GPHN: variants seen among roughly 807,000 people sequenced by gnomAD.
GPHN encodes the protein gephyrin.
Under a neutral mutation model 95.5 loss-of-function variants are expected in GPHN, and 17 were observed. That is an observed-to-expected ratio of 0.18 (90% CI 0.12 to 0.27). The LOEUF (loss-of-function observed/expected upper bound fraction) is 0.27, where lower values mean the gene tolerates loss of function less well. Ranked by LOEUF, GPHN falls within the 10% of genes least tolerant of loss-of-function variation. The pLI is 1.00. For missense variants in GPHN, 660 were observed against 978.1 expected (o/e 0.67, Z 4.34); for synonymous variants, 320 against 322.5 (o/e 0.99, Z 0.08).
At chr14:67,130,271 C>T (rs2079618639) in intron 17 of GPHN, among the ~76,000 whole-genome samples, 1 of 152,110 alleles carries the variant, frequency 6.6e-6, no homozygotes, top group Non-Finnish European at 1.5e-5. Context: ...CCCTCTCCCT[C>T]CTTCCCTCCT....
the GPHN span, chr14:67,488,659 C>T: frequency 6.6e-6 from 1 of 152,432 alleles, no homozygotes; most frequent in East Asian, 1.9e-4. Flanking sequence ...GAGTTCAATC[C>T]CACCTGTGGA....
chr14:66,642,703 A>T (rs541709259), intron 1 of GPHN, among the ~76,000 whole-genome samples: 1 of 152,202 alleles, frequency 6.6e-6, no homozygotes, highest in African/African-American at 2.4e-5. Context: ...GAAAACTATT[A>T]CTTCCAGGAA....
chr14:67,229,701 T>C, the GPHN span, among the ~76,000 whole-genome samples: 1 of 152,226 alleles, frequency 6.6e-6, no homozygotes, highest in Admixed American at 6.5e-5. Context: ...TGATTATATG[T>C]TTAAATGATA....
the GPHN span, among the ~76,000 whole-genome samples, chr14:67,561,368 T>C: frequency 1.3e-5 from 2 of 152,134 alleles, no homozygotes; most frequent in African/African-American, 4.8e-5. Flanking sequence ...CTGGCCAACA[T>C]GGCAAATCTC....
chr14:67,060,603 A>T (rs1421485792), intron 11 of GPHN, among the ~76,000 whole-genome samples: 2 of 152,240 alleles, frequency 1.3e-5, no homozygotes, highest in African/African-American at 4.8e-5. Flanking sequence ...GTATTTGCAA[A>T]GATGAATAAA....
chr14:66,760,983 T>C, intron 2 of GPHN: 2 of 614,534 alleles, frequency 3.3e-6, no homozygotes, highest in South Asian at 1.4e-5. Flanking sequence ...GGTATAGCAG[T>C]TACCAGAGGA....
chr14:67,072,703 T>C (rs574647788), intron 11 of GPHN, among the ~76,000 whole-genome samples: 1 of 152,206 alleles, frequency 6.6e-6, no homozygotes, highest in African/African-American at 2.4e-5. Context: ...TTTCCAAAAA[T>C]GGAATTTATT....
the GPHN span, among the ~76,000 whole-genome samples, chr14:67,342,214 A>AAATAAAT: frequency 1.1e-3 from 108 of 101,964 alleles, no homozygotes; most frequent in African/African-American, 7.1e-3. Context: ...ATAAATAAAT[A>AAATAAAT]AAATAAAATA....
At chr14:66,684,788 A>G (rs2067233548) in intron 2 of GPHN, among the ~76,000 whole-genome samples, 1 of 151,530 alleles carries the variant, frequency 6.6e-6, no homozygotes, top group African/African-American at 2.4e-5. Context: ...TCTAGGGTGC[A>G]TGTGCACAAA....
At chr14:67,734,937 C>A in the GPHN span, among the ~76,000 whole-genome samples, 1 of 152,196 alleles carries the variant, frequency 6.6e-6, no homozygotes, top group South Asian at 2.1e-4. Flanking sequence ...GGAGTGGATA[C>A]TCCTAACTGC....
At chr14:67,555,798 A>G in the GPHN span, 6 of 1,612,166 alleles carry the variant, frequency 3.7e-6, no homozygotes, top group Non-Finnish European at 5.1e-6. Flanking sequence ...TGGCACCTAC[A>G]TCTCCCCTTT....
the GPHN span, among the ~76,000 whole-genome samples, chr14:67,459,601 C>A: frequency 1.1e-4 from 17 of 152,352 alleles, no homozygotes; most frequent in East Asian, 2.7e-3. Flanking sequence ...TGGCTGGACG[C>A]AAACACAGCT....
At chr14:66,882,894 C>G (rs1305923014) in intron 5 of GPHN, among the ~76,000 whole-genome samples, 1 of 150,672 alleles carries the variant, frequency 6.6e-6, no homozygotes, top group African/African-American at 2.4e-5. Context: ...ATTCCACTCT[C>G]TTTTGCTCCA....
chr14:66,745,196 A>G (rs2058091851), intron 2 of GPHN, among the ~76,000 whole-genome samples: 1 of 152,114 alleles, frequency 6.6e-6, no homozygotes, highest in East Asian at 1.9e-4. Context: ...CAAACTTTAA[A>G]AAAATGTTGG....
the GPHN span, among the ~76,000 whole-genome samples, chr14:67,226,110 C>T: frequency 4.6e-5 from 7 of 152,232 alleles, no homozygotes; most frequent in African/African-American, 1.7e-4. Flanking sequence ...AAGGTGCTCA[C>T]TCTTCTGTCC....
intron 1 of GPHN, among the ~76,000 whole-genome samples, chr14:66,619,919 T>A (rs553128078): frequency 6.6e-6 from 1 of 152,174 alleles, no homozygotes; most frequent in Non-Finnish European, 1.5e-5. Flanking sequence ...GATAGAGAGA[T>A]GGCTTTATGG....
At chr14:67,261,824 A>G in the GPHN span, among the ~76,000 whole-genome samples, 1 of 152,128 alleles carries the variant, frequency 6.6e-6, no homozygotes, top group Non-Finnish European at 1.5e-5. Context: ...AGGTACTAAA[A>G]TAAACTTGTA....
intron 18 of GPHN, among the ~76,000 whole-genome samples, chr14:67,146,708 T>C (rs2080916793): frequency 6.6e-6 from 1 of 152,216 alleles, no homozygotes; most frequent in South Asian, 2.1e-4. Context: ...TGATTTGTTT[T>C]GTAAGTCTAG....
chr14:67,126,967 A>G (rs1338682649), intron 17 of GPHN, among the ~76,000 whole-genome samples: 6 of 152,026 alleles, frequency 3.9e-5, no homozygotes, highest in Non-Finnish European at 8.8e-5. Flanking sequence ...GAAATTGGAA[A>G]TGATCATTCT....
Sources: gnomAD v4.1 joint callset for allele counts (sites outside exome capture counted in the v4.1 genomes callset) on GRCh38, gnomAD v4.1.1 for gene constraint, MANE v1.5 for transcripts, NCBI Gene and HGNC (gene_info 2026-07-23, HGNC 2026-07-21) for gene names.